The following ANK2 variants were observed in gnomAD, a reference collection of about 807,000 sequenced individuals.
ANK2 encodes the protein ankyrin 2, also known as ankyrin-2.
A neutral mutation model predicts 360.5 loss-of-function variants in ANK2; 83 were observed. The ratio of observed to expected loss-of-function variants is 0.23; its 90% CI spans 0.19 to 0.28. ANK2 has a LOEUF of 0.28. ANK2 is among the 10% of genes least tolerant of loss of function. The pLI, the probability that ANK2 is intolerant of heterozygous loss-of-function variation, is 1.00. For synonymous variants in ANK2, 1,740 were observed against 1,759.5 expected, an observed-to-expected ratio of 0.99 and a Z score of 0.28; for missense variants, 4,201 against 4,795.7, an observed-to-expected ratio of 0.88 and a Z score of 3.66.
chr4:112,713,999 A>G, the ANK2 span, among the ~76,000 whole-genome samples: 1 of 151,812 alleles, frequency 6.6e-6, no homozygotes, highest in East Asian at 1.9e-4. Flanking sequence ...CTGCTTTTAC[A>G]TTCCTTCCAA....
intron 2 of ANK2, among the ~76,000 whole-genome samples, chr4:112,958,173 C>A (rs1425940763): frequency 6.6e-6 from 1 of 152,096 alleles, no homozygotes; most frequent in African/African-American, 2.4e-5. Context: ...CAGAGAGGCT[C>A]CTCACTTCCC....
At chr4:113,030,746 G>C (rs1437616826) in intron 2 of ANK2, among the ~76,000 whole-genome samples, 1 of 151,876 alleles carries the variant, frequency 6.6e-6, no homozygotes, top group Non-Finnish European at 1.5e-5. Context: ...TAAAAGGTAA[G>C]ACTAAAGAAT....
Position 113,355,455 on chromosome 4 carries a change from T to A in ANK2, c.6837T>A (p.His2279Gln). Reference protein sequence around the residue: ...TTTEIRSEKEHPTTKDITGGS... With the variant: ...TTTEIRSEKEQPTTKDITGGS... ...CAGAAATTCGTTCAGAAAAAGAGCA[T>A]CCCACGACCAAAGACATTACTGGTG... is the stretch of plus-strand genomic sequence containing the variant. The change falls in exon 38 of 46, where the codon CAT becomes CAA. Residue 2279 changes from histidine (H) to glutamine (Q), a missense_variant. By Grantham distance (24) the His-to-Gln change is conservative. Transcript: ENST00000357077. The A allele has an allele frequency of 6.2e-7, 1 of 1,613,804 alleles. No homozygotes were observed. The highest frequency in any genetic ancestry group is 2.2e-5 in the East Asian group (1 of 44,850).
At chr4:113,071,423 G>A (rs773015196) in intron 1 of ANK2, among the ~76,000 whole-genome samples, 1 of 152,170 alleles carries the variant, frequency 6.6e-6, no homozygotes, top group Non-Finnish European at 1.5e-5. Context: ...ATCAGGCAGG[G>A]CTTCATAAAC....
Position 113,049,780 on chromosome 4 carries a change from G to A in ANK2, c.52G>A (p.Gly18Ser). The change falls in exon 1 of 46, where the codon GGC becomes AGC. Residue 18 changes from glycine to serine, a missense_variant. Around this residue, in one of 4 missense-constraint regions of ANK2, gnomAD observed 169 missense variants for 191.1 expected, o/e 0.88. Transcript: ENST00000357077. ...AAGCGACAGTGGAGAGAAGTTCAAC[G>A]GCAGTAGTCAGAGGAGAAAAAGACC... ...QKSDSGEKFN[G>S]SSQRRKRPKK... 1.2e-6 allele frequency: 2 copies of A among 1,613,760 alleles called. No homozygotes were observed. The highest frequency in any genetic ancestry group is 2.2e-5 in the South Asian group (2 of 91,064).
the ANK2 span, among the ~76,000 whole-genome samples, chr4:112,804,626 G>A: frequency 6.6e-6 from 1 of 152,200 alleles, no homozygotes; most frequent in Non-Finnish European, 1.5e-5. Flanking sequence ...TAACATGTGA[G>A]GTGGGAGGAT....
At chr4:112,976,685 G>C (rs1288937065) in intron 2 of ANK2, among the ~76,000 whole-genome samples, 1 of 149,838 alleles carries the variant, frequency 6.7e-6, no homozygotes, top group Non-Finnish European at 1.5e-5. Context: ...TTTTCCTAAA[G>C]ACATCCATTC....
At chr4:113,234,154 G>A (rs909255768) in intron 5 of ANK2, among the ~76,000 whole-genome samples, 2 of 152,096 alleles carry the variant, frequency 1.3e-5, no homozygotes, top group African/African-American at 2.4e-5. Flanking sequence ...CAGCTCGCTG[G>A]CATTCCCAGC....
intron 9 of ANK2, among the ~76,000 whole-genome samples, chr4:113,243,545 G>A (rs959077823): frequency 1.1e-4 from 17 of 152,144 alleles, no homozygotes; most frequent in African/African-American, 3.4e-4. Flanking sequence ...AGAGGTTTGC[G>A]TTCTGTCAAA....
At chr4:113,117,367 C>G (rs2094911769) in intron 1 of ANK2, 1 of 456,016 alleles carries the variant, frequency 2.2e-6, no homozygotes, top group South Asian at 1.5e-5. Context: ...TTGAGAGAGA[C>G]AGAAAAAAAC....
In ANK2 at chr4:113,199,022, C is replaced by T. The variant is rs587780851; in HGVS notation, c.297C>T (p.Thr99=). Residue 99 remains threonine (T), a synonymous_variant, in exon 4 of 46, where the codon ACC becomes ACT. Coordinates refer to ENST00000357077, the MANE Select transcript of ANK2 (RefSeq NM_001148.6). ...TTTCTCCAAAACAGAAGGGAAATAC[C>T]GCTCTTCACATTGCATCTTTGGCTG... is the stretch of plus-strand genomic sequence containing the variant. The part of the protein sequence containing the change: ...SVDSATKKGN[T]ALHIASLAGQ... 8.1e-6 allele frequency: 13 copies of T among 1,612,544 alleles called. No individual in the cohort carries two copies. Among genetic ancestry groups the T allele is most frequent in the Middle Eastern group, 1.7e-4 (1 of 6,056 alleles).
intron 29 of ANK2, 52 bp from the exon 30 acceptor site, chr4:113,335,794 T>G (rs2153957025): frequency 1.7e-5 from 27 of 1,557,988 alleles, no homozygotes; most frequent in Non-Finnish European, 2.4e-5. Flanking sequence ...TAGAATGCTG[T>G]TAGAAGGAAA....
chr4:112,844,680 G>T (rs963445633), intron 1 of ANK2, among the ~76,000 whole-genome samples: 3 of 152,220 alleles, frequency 2.0e-5, no homozygotes, highest in Admixed American at 2.0e-4. Flanking sequence ...GGTTTGGAAA[G>T]TAAAATGGAT....
In ANK2 at chr4:113,357,940, T is replaced by C. The variant is rs1234637379; in HGVS notation, c.9322T>C (p.Leu3108=). The C allele has an allele frequency of 3.1e-6, 5 of 1,613,992 alleles. No homozygotes were observed. Among genetic ancestry groups the C allele is most frequent in the Admixed American group, 1.7e-5 (1 of 59,998 alleles). The change falls in exon 38 of 46, where the codon TTG becomes CTG. Residue 3108 remains leucine (L), a synonymous_variant. Transcript: ENST00000357077. The part of the protein sequence containing the change: ...QNPFLFQEGK[L]FEMTRSGAID... ...CCCATTTCTGTTTCAGGAAGGAAAA[T>C]TGTTTGAAATGACCCGAAGTGGTGC...
At chr4:113,077,328 T>C (rs1275242753) in intron 1 of ANK2, among the ~76,000 whole-genome samples, 1 of 152,116 alleles carries the variant, frequency 6.6e-6, no homozygotes, top group African/African-American at 2.4e-5. Flanking sequence ...ACAATGTAAA[T>C]TGGTCATATC....
chr4:112,897,016 C>G (rs1334656256), intron 1 of ANK2, among the ~76,000 whole-genome samples: 1 of 152,140 alleles, frequency 6.6e-6, no homozygotes, highest in African/African-American at 2.4e-5. Context: ...TTTTCCTTGT[C>G]CGGCGCACTC....
intron 1 of ANK2, among the ~76,000 whole-genome samples, chr4:112,876,122 G>T (rs1264449836): frequency 1.3e-5 from 2 of 151,824 alleles, no homozygotes; most frequent in Non-Finnish European, 2.9e-5. Flanking sequence ...GGTTTTGAAT[G>T]AATATAATCA....
chr4:113,369,433 A>G, intron 42 of ANK2, 81 bp from the exon 43 acceptor site: 1 of 1,479,060 alleles, frequency 6.8e-7, no homozygotes, highest in Non-Finnish European at 9.4e-7. Context: ...AACCAGCTCC[A>G]TCTTGCCTTT....
At chr4:113,250,936 A>G (rs1463948303) in intron 10 of ANK2, among the ~76,000 whole-genome samples, 1 of 152,226 alleles carries the variant, frequency 6.6e-6, no homozygotes, top group Non-Finnish European at 1.5e-5. Flanking sequence ...AGGTGTGCCC[A>G]CATGCCATAA....
Sources: allele counts gnomAD v4.1 joint callset (sites outside exome capture counted in the v4.1 genomes callset), GRCh38; gene constraint gnomAD v4.1.1; regional missense constraint gnomAD v4.1.1; transcripts MANE v1.5; gene names NCBI Gene and HGNC (gene_info 2026-07-23, HGNC 2026-07-21).